ZBTB20: variants seen among roughly 807,000 people sequenced by gnomAD.
ZBTB20 encodes the protein zinc finger and BTB domain containing 20, also known as zinc finger and BTB domain-containing protein 20.
A neutral mutation model predicts 56.9 loss-of-function variants in ZBTB20; 9 were observed. The observed-to-expected ratio is 0.16, with a 90% CI of 0.10 to 0.28. ZBTB20 has a LOEUF of 0.28. Among genes scored for constraint, ZBTB20 ranks in the 10% least tolerant of loss-of-function variants. The pLI, the probability that ZBTB20 is intolerant of heterozygous loss-of-function variation, is 1.00. For missense variants in ZBTB20, 655 were observed against 1,003.0 expected, an observed-to-expected ratio of 0.65 and a Z score of 4.69; for synonymous variants, 417 against 420.7, an observed-to-expected ratio of 0.99 and a Z score of 0.11.
chr3:114,955,146 C>A (rs1442142519), intron 3 of ZBTB20, among the ~76,000 whole-genome samples: 1 of 152,160 alleles, frequency 6.6e-6, no homozygotes, highest in Non-Finnish European at 1.5e-5. Flanking sequence ...TCAGGATAAA[C>A]CAGCACAATT....
intron 5 of ZBTB20, among the ~76,000 whole-genome samples, chr3:114,798,610 G>A (rs2071497716): frequency 6.6e-6 from 1 of 151,894 alleles, no homozygotes; most frequent in African/African-American, 2.4e-5. Flanking sequence ...AATATGGTTT[G>A]TGTAACCTTT....
intron 5 of ZBTB20, among the ~76,000 whole-genome samples, chr3:114,786,911 C>G (rs1299317375): frequency 6.6e-6 from 1 of 151,908 alleles, no homozygotes; most frequent in Non-Finnish European, 1.5e-5. Context: ...TCTGTATATC[C>G]ATACAAAGGA....
At chr3:114,838,718 C>G (rs1357198500) in intron 4 of ZBTB20, among the ~76,000 whole-genome samples, 2 of 151,802 alleles carry the variant, frequency 1.3e-5, no homozygotes, top group African/African-American at 4.8e-5. Flanking sequence ...CAAATAGGGT[C>G]AGGTAATAAA....
chr3:114,353,828 C>T (rs1393178911), intron 10 of ZBTB20, among the ~76,000 whole-genome samples: 1 of 152,178 alleles, frequency 6.6e-6, no homozygotes. Context: ...TGATATTATT[C>T]CCATTTTACA....
In ZBTB20 at chr3:114,339,266, G is replaced by A. The variant is rs2079585477; in HGVS notation, c.1965C>T (p.Leu655=). 1.9e-6 allele frequency: 3 copies of A among 1,614,114 alleles called. No homozygotes were observed. The highest frequency in any genetic ancestry group is 2.7e-5 in the African/African-American group (2 of 74,940). Residue 655 remains leucine (L), a synonymous_variant, in exon 12 of 12, where the codon CTC becomes CTT. Coordinates refer to ENST00000675478, the MANE Select transcript of ZBTB20 (RefSeq NM_001348800.3). This position sits in a 1 kb window ranked among gnomAD's most constrained non-coding sequence, Gnocchi z 4.2. ...ACTCGTAGGACTTCTCTCCCCGGTG[G>A]AGGCGCATGTGCACGTTGAGGGAGC... ...QKSSLNVHMR[L]HRGEKSYECY...
intron 6 of ZBTB20, chr3:114,687,966 A>C (rs762514778): frequency 6.6e-6 from 1 of 152,216 alleles, no homozygotes; most frequent in Admixed American, 6.5e-5. Context: ...GCGGTGTCTC[A>C]CATCTGTAAT....
chr3:115,073,822 CTT>C (rs2082499439), intron 1 of ZBTB20, among the ~76,000 whole-genome samples: 1 of 55,024 alleles, frequency 1.8e-5, no homozygotes, highest in Non-Finnish European at 3.6e-5. Context: ...TAAATTCAAA[CTT>C]AATTCTAGTA....
At chr3:114,859,619 G>C (rs973341941) in intron 4 of ZBTB20, among the ~76,000 whole-genome samples, 2 of 139,906 alleles carry the variant, frequency 1.4e-5, no homozygotes, top group Non-Finnish European at 3.0e-5. Context: ...CAGGGGTCAA[G>C]CTATTTCCAA....
chr3:114,558,877 T>C (rs2051623376), intron 6 of ZBTB20, among the ~76,000 whole-genome samples: 1 of 152,174 alleles, frequency 6.6e-6, no homozygotes. Flanking sequence ...CACTTGAGCC[T>C]CAAGGCCTTT....
intron 3 of ZBTB20, among the ~76,000 whole-genome samples, chr3:114,923,187 A>AT: frequency 6.6e-6 from 1 of 152,338 alleles, no homozygotes; most frequent in East Asian, 1.9e-4. Context: ...ATCTATCAAT[A>AT]TTATAATGAT....
intron 6 of ZBTB20, among the ~76,000 whole-genome samples, chr3:114,583,101 C>A (rs760151850): frequency 3.0e-4 from 45 of 152,160 alleles, no homozygotes; most frequent in Non-Finnish European, 5.7e-4. Context: ...CGGGTTTCAC[C>A]TCTGGTTTCA....
intron 3 of ZBTB20, among the ~76,000 whole-genome samples, chr3:114,902,457 A>G (rs1454090833): frequency 6.6e-6 from 1 of 152,174 alleles, no homozygotes; most frequent in African/African-American, 2.4e-5. Context: ...TAAACACAAT[A>G]CAGTTCAAAG....
chr3:114,590,069 A>G (rs1407419141), intron 6 of ZBTB20, among the ~76,000 whole-genome samples: 2 of 152,220 alleles, frequency 1.3e-5, no homozygotes, highest in Non-Finnish European at 2.9e-5. Context: ...ACAGAAAGTG[A>G]AATGTGATAA....
chr3:114,821,882 A>G (rs1418039339), intron 4 of ZBTB20, among the ~76,000 whole-genome samples: 1 of 152,158 alleles, frequency 6.6e-6, no homozygotes, highest in Non-Finnish European at 1.5e-5. Context: ...AAGTGAAGAT[A>G]ATTTTTCTTT....
intron 2 of ZBTB20, among the ~76,000 whole-genome samples, chr3:115,045,645 TGGAAGA>T (rs2081307107): frequency 6.6e-6 from 1 of 151,584 alleles, no homozygotes; most frequent in African/African-American, 2.4e-5. Flanking sequence ...AGCACTAACA[TGGAAGA>T]CTTTTATAAT....
intron 4 of ZBTB20, among the ~76,000 whole-genome samples, chr3:114,819,315 T>C (rs1245205963): frequency 6.6e-6 from 1 of 151,902 alleles, no homozygotes; most frequent in Non-Finnish European, 1.5e-5. Flanking sequence ...CCAACAAATA[T>C]TCCAATGAAA....
At chr3:114,398,027 C>T (rs527908413) in intron 7 of ZBTB20, among the ~76,000 whole-genome samples, 7 of 152,226 alleles carry the variant, frequency 4.6e-5, no homozygotes, top group Admixed American at 4.6e-4. Flanking sequence ...AAGCACATTT[C>T]TATCTCTGAG....
intron 7 of ZBTB20, among the ~76,000 whole-genome samples, chr3:114,457,495 G>A (rs1175667836): frequency 6.6e-6 from 1 of 152,138 alleles, no homozygotes; most frequent in Non-Finnish European, 1.5e-5. Flanking sequence ...GAAAGGATTG[G>A]CAGTAGAGAT....
intron 5 of ZBTB20, among the ~76,000 whole-genome samples, chr3:114,734,852 C>T (rs898287926): frequency 6.6e-6 from 1 of 151,998 alleles, no homozygotes; most frequent in African/African-American, 2.4e-5. Flanking sequence ...AGACAGGATG[C>T]CATTCTATCT....
Sources: allele counts gnomAD v4.1 joint callset (sites outside exome capture counted in the v4.1 genomes callset), GRCh38; gene constraint gnomAD v4.1.1; non-coding constraint Gnocchi (gnomAD v3.1); transcripts MANE v1.5; gene names NCBI Gene and HGNC (gene_info 2026-07-23, HGNC 2026-07-21).